Variants in TDRD5 observed in about 807,000 individuals in gnomAD.
TDRD5 encodes the protein tudor domain containing 5.
In TDRD5, 41 loss-of-function variants were observed where a neutral mutation model predicts 120.6. That is an observed-to-expected ratio of 0.34 (90% CI 0.26 to 0.44). The LOEUF is 0.44. TDRD5 is among the 20% of genes least tolerant of loss of function. The probability of loss-of-function intolerance (pLI) is 1.00; values close to 1 mark genes in which losing one functional copy is unlikely to be tolerated. For missense variants in TDRD5, 1,006 were observed against 1,221.2 expected (o/e 0.82, Z 2.63); for synonymous variants, 430 against 433.7 (o/e 0.99, Z 0.11).
In TDRD5 at chr1:179,630,826, T is replaced by C. The variant is rs1677396402; in HGVS notation, c.1032T>C (p.Leu344=). ...KKLGFLNVTE[L]VGALSDILHV... ...TAGGCTTCTTAAATGTGACAGAACTTGTTGGAGCTCTTAGTGACATTCTCC... is the reference window on the plus strand; with the variant it reads ...TAGGCTTCTTAAATGTGACAGAACTCGTTGGAGCTCTTAGTGACATTCTCC... The change falls in exon 7 of 18, where the codon CTT becomes CTC. Residue 344 remains leucine (L), a synonymous_variant. Transcript: ENST00000444136. 2.5e-6 allele frequency: 4 copies of C among 1,614,012 alleles called. No individual in the cohort carries two copies. In the African/African-American group the frequency reaches 4.0e-5, roughly 16 times the overall value.
intron 4 of TDRD5, among the ~76,000 whole-genome samples, chr1:179,597,332 C>CTTTT (rs945509784): frequency 1.1e-4 from 14 of 125,568 alleles, no homozygotes; most frequent in Admixed American, 2.7e-4. Context: ...TTCTTTTTTT[C>CTTTT]TTTTTTTTTT....
intron 4 of TDRD5, among the ~76,000 whole-genome samples, chr1:179,601,701 TTGCAA>T (rs1263941349): frequency 6.6e-6 from 1 of 152,258 alleles, no homozygotes; most frequent in Non-Finnish European, 1.5e-5. Flanking sequence ...GATTTTGCAA[TTGCAA>T]TTTGTGCTGC....
intron 17 of TDRD5, among the ~76,000 whole-genome samples, chr1:179,676,572 T>C (rs1031189352): frequency 3.3e-5 from 5 of 152,218 alleles, no homozygotes; most frequent in Non-Finnish European, 7.4e-5. Context: ...CAGCATTTGT[T>C]TGTTTGGAAA....
chr1:179,633,340 G>T (rs973625782), intron 7 of TDRD5, among the ~76,000 whole-genome samples: 1 of 151,564 alleles, frequency 6.6e-6, no homozygotes, highest in African/African-American at 2.4e-5. Context: ...CACCATGCTT[G>T]TAGGTCTGTC....
At chr1:179,687,460 C>T (rs915616654) in intron 17 of TDRD5, among the ~76,000 whole-genome samples, 14 of 152,146 alleles carry the variant, frequency 9.2e-5, no homozygotes, top group Non-Finnish European at 1.6e-4. Context: ...GCTTTACTTC[C>T]AACTGTGTGA....
At chr1:179,620,016 G>A (rs2101969749) in intron 5 of TDRD5, among the ~76,000 whole-genome samples, 1 of 152,308 alleles carries the variant, frequency 6.6e-6, no homozygotes, top group South Asian at 2.1e-4. Flanking sequence ...TGTAGCTTAT[G>A]AGAAAGTTTA....
intron 17 of TDRD5, among the ~76,000 whole-genome samples, chr1:179,679,393 A>G (rs1680310814): frequency 6.6e-6 from 1 of 152,120 alleles, no homozygotes; most frequent in Admixed American, 6.5e-5. Context: ...TAAGTTGGGA[A>G]GTGTTTCCTC....
chr1:179,671,613 T>G (rs142218809), intron 17 of TDRD5, among the ~76,000 whole-genome samples: 24 of 148,826 alleles, frequency 1.6e-4, no homozygotes, highest in African/African-American at 4.9e-4. Flanking sequence ...CTTCAATAGG[T>G]TTTTGGGGAA....
chr1:179,691,016 G>T lies in TDRD5; in HGVS notation c.*73G>T, dbSNP rs1476984875. 6.6e-7 allele frequency: 1 copy of T among 1,525,776 alleles called. No individual in the cohort carries two copies. The highest frequency in any genetic ancestry group is 2.3e-5 in the East Asian group (1 of 43,946). The allele number at this position is 1,525,776 out of a possible 1,614,324, so 94.5% of individuals were successfully genotyped here. On this transcript the variant is annotated 3_prime_UTR_variant, in exon 18 of 18. Coordinates refer to ENST00000444136, the MANE Select transcript of TDRD5 (RefSeq NM_001199085.3). ...TGATGAACTCCCAGGCCAAAATGAG[G>T]AGTTATTGAAGCAAAATAGTATCTT...
At position 179,663,414 on chromosome 1, in the gene TDRD5, G is replaced by A; in HGVS notation, c.2572G>A (p.Gly858Arg). 2 of 1,613,784 alleles carry A rather than the reference G, an allele frequency of 1.2e-6. No homozygotes were observed. The highest frequency in any genetic ancestry group is 2.2e-5 in the East Asian group (1 of 44,846). ...DSWQPSGLVN[G>R]TKVEVHKPEV... ...TTGGCAGCCTTCAGGCCTTGTAAAT[G>A]GAACGAAAGTAGAAGTTCATAAGCC... Residue 858 changes from glycine (G) to arginine (R), a missense_variant, in exon 16 of 18, where the codon GGA becomes AGA. Around this residue, in one of 3 missense-constraint regions of TDRD5, gnomAD observed 403 missense variants for 448.1 expected, o/e 0.90. Transcript: ENST00000444136.
chr1:179,635,909 T>C, intron 9 of TDRD5, 22 bp downstream of exon 9: 2 of 1,604,142 alleles, frequency 1.2e-6, no homozygotes, highest in Non-Finnish European at 1.7e-6. Flanking sequence ...TTGTTTTCAA[T>C]GTGTTTTTCA....
intron 10 of TDRD5, 31 bp downstream of exon 10, chr1:179,640,082 A>T (rs568348458): frequency 6.2e-7 from 1 of 1,607,638 alleles, no homozygotes; most frequent in South Asian, 1.1e-5. Flanking sequence ...ACAATGGATG[A>T]ATTAAATTTT....
intron 11 of TDRD5, among the ~76,000 whole-genome samples, chr1:179,641,453 C>A (rs1678043319): frequency 6.6e-6 from 1 of 151,860 alleles, no homozygotes; most frequent in African/African-American, 2.4e-5. Flanking sequence ...TTGCTTGAAC[C>A]CGGGAGGCGG....
chr1:179,661,003 T>C (rs1198840246), intron 14 of TDRD5, among the ~76,000 whole-genome samples: 1 of 152,214 alleles, frequency 6.6e-6, no homozygotes, highest in Non-Finnish European at 1.5e-5. Flanking sequence ...GTTTCATTCT[T>C]CTCCTTTCTG....
intron 4 of TDRD5, among the ~76,000 whole-genome samples, chr1:179,617,453 G>A (rs1676621676): frequency 6.6e-6 from 1 of 152,066 alleles, no homozygotes; most frequent in Non-Finnish European, 1.5e-5. Flanking sequence ...TCATTTTTCA[G>A]GTGAAGAAAC....
chr1:179,628,942 T>TGTG (rs1677287079), intron 6 of TDRD5, among the ~76,000 whole-genome samples: 1 of 152,132 alleles, frequency 6.6e-6, no homozygotes, highest in Admixed American at 6.5e-5. Flanking sequence ...TTGTTGTTGT[T>TGTG]GTTTTTGCCA....
intron 11 of TDRD5, among the ~76,000 whole-genome samples, chr1:179,644,209 AATG>A (rs1558401644): frequency 6.6e-6 from 1 of 152,216 alleles, no homozygotes; most frequent in Non-Finnish European, 1.5e-5. Context: ...TACAGGAAAG[AATG>A]ATGATTATGG....
chr1:179,690,620 G>A, intron 17 of TDRD5, 76 bp from the exon 18 acceptor site: 1 of 1,543,784 alleles, frequency 6.5e-7, no homozygotes, highest in Non-Finnish European at 8.7e-7. Flanking sequence ...TATTAGTATA[G>A]AACTAGAATG....
intron 7 of TDRD5, among the ~76,000 whole-genome samples, chr1:179,632,398 G>GTT (rs59261684): frequency 4.5e-5 from 6 of 133,152 alleles, no homozygotes; most frequent in African/African-American, 1.4e-4. Context: ...GACAGGTTTT[G>GTT]TTTTTTTTTT....
Sources: gnomAD v4.1 joint callset for allele counts (sites outside exome capture counted in the v4.1 genomes callset) on GRCh38, gnomAD v4.1.1 for gene constraint, gnomAD v4.1.1 regional missense constraint, MANE v1.5 for transcripts, NCBI Gene and HGNC (gene_info 2026-07-23, HGNC 2026-07-21) for gene names.